Variants in PREX1 observed in about 807,000 individuals in gnomAD.
PREX1 encodes phosphatidylinositol-3,4,5-trisphosphate dependent Rac exchange factor 1.
PREX1 carries 41 observed loss-of-function variants against 198.3 expected under a neutral mutation model. The ratio of observed to expected loss-of-function variants is 0.21; its 90% CI spans 0.16 to 0.27. The LOEUF (loss-of-function observed/expected upper bound fraction) is 0.27. Among genes scored for constraint, PREX1 ranks in the 10% least tolerant of loss-of-function variants. The pLI is 1.00. For missense variants in PREX1, 1,620 were observed against 2,200.7 expected (o/e 0.74, Z 5.28); for synonymous variants, 843 against 887.2 (o/e 0.95, Z 0.89).
chr20:48,658,404 C>G (rs2089562399), intron 16 of PREX1, among the ~76,000 whole-genome samples, 176 bp from the exon 17 acceptor site: 1 of 152,270 alleles, frequency 6.6e-6, no homozygotes, highest in South Asian at 2.1e-4. Context: ...AGTGCTCACT[C>G]TGTGCCTGCC....
chr20:48,675,884 A>G (rs1337610213), intron 14 of PREX1, among the ~76,000 whole-genome samples: 1 of 152,112 alleles, frequency 6.6e-6, no homozygotes, highest in Non-Finnish European at 1.5e-5. Flanking sequence ...TAAAATTACA[A>G]AAATCAGCTG....
intron 1 of PREX1, among the ~76,000 whole-genome samples, chr20:48,810,859 C>T (rs2090430807): frequency 6.6e-6 from 1 of 152,172 alleles, no homozygotes; most frequent in East Asian, 1.9e-4. Flanking sequence ...TGCACTCCAG[C>T]CTGGGCGACA....
chr20:48,690,525 C>T (rs2089813078), intron 9 of PREX1, among the ~76,000 whole-genome samples: 1 of 152,070 alleles, frequency 6.6e-6, no homozygotes. Flanking sequence ...TGCACTTCCT[C>T]ATGTGAACTG....
intron 11 of PREX1, among the ~76,000 whole-genome samples, chr20:48,680,213 T>A (rs1045783642): frequency 6.6e-6 from 1 of 152,128 alleles, no homozygotes; most frequent in African/African-American, 2.4e-5. Context: ...TTCAGATCCA[T>A]TAGCAATGCC....
At chr20:48,854,002 G>A in the PREX1 span, among the ~76,000 whole-genome samples, 22 of 152,328 alleles carry the variant, frequency 1.4e-4, no homozygotes, top group South Asian at 4.1e-3. Context: ...CTCTCAGGAC[G>A]TCACTGCAAG....
At chr20:48,804,219 T>C (rs2123020714) in intron 1 of PREX1, among the ~76,000 whole-genome samples, 2 of 152,358 alleles carry the variant, frequency 1.3e-5, no homozygotes, top group African/African-American at 2.4e-5. Context: ...CTGTTCTAGG[T>C]GTGGGGACAC....
chr20:48,840,109 G>A, the PREX1 span, among the ~76,000 whole-genome samples: 1 of 152,108 alleles, frequency 6.6e-6, no homozygotes, highest in Non-Finnish European at 1.5e-5. Context: ...TGACCTCCCG[G>A]ACTCAAGCCA....
chr20:48,870,248 G>T, the PREX1 span, among the ~76,000 whole-genome samples: 1 of 152,040 alleles, frequency 6.6e-6, no homozygotes, highest in Non-Finnish European at 1.5e-5. Flanking sequence ...TTTTAATACT[G>T]ATTTAAAAAA....
At chr20:48,802,813 G>A (rs1161203613) in intron 1 of PREX1, among the ~76,000 whole-genome samples, 5 of 152,210 alleles carry the variant, frequency 3.3e-5, no homozygotes, top group African/African-American at 9.6e-5. Flanking sequence ...GACATGGTGT[G>A]GGAATCCCCC....
chr20:48,688,709 T>C lies in PREX1; in HGVS notation c.1282A>G (p.Ile428Val), dbSNP rs1462687099. 1 of 1,614,186 alleles carries C rather than the reference T, an allele frequency of 6.2e-7. No individual in the cohort carries two copies. The highest frequency in any genetic ancestry group is 1.7e-5 in the Admixed American group (1 of 60,028). The change falls in exon 10 of 40, where the codon ATC (isoleucine) becomes GTC (valine). Residue 428 changes from isoleucine to valine, a missense_variant. Transcript: ENST00000371941. ...CTCAGCTTTCTCCGGCGGTCCTTGA[T>C]GAGGTTCACCTTCTTGTTCATCATC... ...HMMMNKKVNL[I>V]KDRRRKLSTV...
intron 3 of PREX1, among the ~76,000 whole-genome samples, chr20:48,739,297 G>T (rs2090070806): frequency 6.6e-6 from 1 of 152,116 alleles, no homozygotes; most frequent in Admixed American, 6.5e-5. Flanking sequence ...CCCACCCTTG[G>T]GTTGCCAGAT....
chr20:48,681,272 C>A lies in PREX1; in HGVS notation c.1398G>T (p.Leu466Phe). The A allele has an allele frequency of 6.2e-7, 1 of 1,614,244 alleles. No homozygotes were observed. The highest frequency in any genetic ancestry group is 8.5e-7 in the Non-Finnish European group (1 of 1,180,036). ...EISKTEEGVN[L>F]GQALLENGII... ...TGCCATTCTCCAACAGGGCTTGGCC[C>A]AAGTTGACTCCTTCTTCCGTCTTGC... is the stretch of plus-strand genomic sequence containing the variant. Residue 466 changes from leucine (L) to phenylalanine (F), a missense_variant, in exon 11 of 40, where the codon TTG (leucine) becomes TTT (phenylalanine). Physicochemically the swap from Leu to Phe is conservative, Grantham distance 22. Around this residue, in one of 7 missense-constraint regions of PREX1, gnomAD observed 488 missense variants for 802.5 expected, o/e 0.61. Coordinates refer to ENST00000371941, the MANE Select transcript of PREX1 (RefSeq NM_020820.4).
At chr20:48,794,680 G>A (rs912232215) in intron 1 of PREX1, among the ~76,000 whole-genome samples, 7 of 152,232 alleles carry the variant, frequency 4.6e-5, no homozygotes, top group African/African-American at 1.7e-4. Flanking sequence ...CATGGCCACG[G>A]AGACAAAGAG....
chr20:48,692,443 G>C, intron 8 of PREX1: 2 of 434,968 alleles, frequency 4.6e-6, no homozygotes, highest in Non-Finnish European at 4.2e-6. Flanking sequence ...TACTTCTAGG[G>C]GGAAGAAGGC....
chr20:48,696,103 A>G (rs768503376), intron 7 of PREX1, among the ~76,000 whole-genome samples: 14 of 152,244 alleles, frequency 9.2e-5, no homozygotes, highest in Non-Finnish European at 2.1e-4. Context: ...ATTCTTAATT[A>G]CAGTATAGTC....
At chr20:48,687,507 A>G (rs6063307) in intron 10 of PREX1, among the ~76,000 whole-genome samples, 75,546 of 152,136 alleles carry the variant, frequency 0.5, 19,247 homozygotes, top group South Asian at 0.65. Flanking sequence ...CCTGGCCCAC[A>G]CAACCTCTCA....
At chr20:48,873,554 C>CAAAA in the PREX1 span, among the ~76,000 whole-genome samples, 5 of 70,088 alleles carry the variant, frequency 7.1e-5, no homozygotes, top group South Asian at 5.3e-4. Flanking sequence ...AGTAAAAATA[C>CAAAA]AAAAAAAAAA....
chr20:48,642,753 G>T, intron 27 of PREX1: 1 of 370,822 alleles, frequency 2.7e-6, no homozygotes, highest in Non-Finnish European at 4.9e-6. Context: ...CTGCAAATGA[G>T]GGACTGAGGA....
In PREX1 at chr20:48,650,224, G is replaced by A. The variant is rs750122532; in HGVS notation, c.2818-18C>T. ...GCTGCAAACTGAGAAAGTGGAGGCC[G>A]TAAGGTCGTGAATCACAGGGCAGGG... On this transcript the variant is annotated intron_variant, in intron 23 of 39. Coordinates refer to ENST00000371941, the MANE Select transcript of PREX1 (RefSeq NM_020820.4). The A allele has an allele frequency of 6.9e-6, 11 of 1,591,624 alleles. No homozygotes were observed. In the East Asian group the frequency reaches 1.3e-4, roughly 19 times the overall value.
Sources: gnomAD v4.1 joint callset for allele counts (sites outside exome capture counted in the v4.1 genomes callset) on GRCh38, gnomAD v4.1.1 for gene constraint, gnomAD v4.1.1 regional missense constraint, MANE v1.5 for transcripts, NCBI Gene and HGNC (gene_info 2026-07-23, HGNC 2026-07-21) for gene names.